The following MCTP2 variants were observed in gnomAD, a reference collection of about 807,000 sequenced individuals.
MCTP2 encodes the protein multiple C2 and transmembrane domain containing 2.
A neutral mutation model predicts 111.6 loss-of-function variants in MCTP2; 132 were observed. That is an observed-to-expected ratio of 1.18 (90% CI 1.03 to 1.37). The LOEUF is 1.37. Among genes scored for constraint, MCTP2 ranks in the 40% most tolerant of loss-of-function variants. MCTP2 has a pLI of 0.00. For synonymous variants in MCTP2, 395 were observed against 387.7 expected (o/e 1.02, Z -0.22); for missense variants, 1,183 against 1,067.9 (o/e 1.11, Z -1.50).
At chr15:94,271,936 G>T (rs2073926333) in intron 1 of MCTP2, among the ~76,000 whole-genome samples, 1 of 152,176 alleles carries the variant, frequency 6.6e-6, no homozygotes, top group Non-Finnish European at 1.5e-5. Context: ...ACAAGATTTT[G>T]TACTGGAAAT....
chr15:94,467,098 C>T (rs935001858), intron 20 of MCTP2, among the ~76,000 whole-genome samples: 2 of 152,156 alleles, frequency 1.3e-5, no homozygotes, highest in African/African-American at 4.8e-5. Flanking sequence ...ATGGAATCCC[C>T]TCACCAACTC....
At chr15:94,414,311 T>C (rs1290198744) in intron 17 of MCTP2, among the ~76,000 whole-genome samples, 1 of 152,170 alleles carries the variant, frequency 6.6e-6, no homozygotes, top group African/African-American at 2.4e-5. Context: ...AAGAAACCTC[T>C]GGCCTTCTTA....
intron 8 of MCTP2, among the ~76,000 whole-genome samples, chr15:94,348,595 C>A (rs979647870): frequency 6.7e-6 from 1 of 148,734 alleles, no homozygotes; most frequent in African/African-American, 2.5e-5. Flanking sequence ...TGAAAAGGAG[C>A]TACTCAAAGA....
intron 20 of MCTP2, among the ~76,000 whole-genome samples, chr15:94,465,914 C>T (rs781221922): frequency 1.3e-5 from 2 of 152,076 alleles, no homozygotes; most frequent in Non-Finnish European, 2.9e-5. Flanking sequence ...AGTGCAGGAA[C>T]CTTCTTAATC....
intron 1 of MCTP2, among the ~76,000 whole-genome samples, chr15:94,277,637 A>T (rs1463472056): frequency 6.6e-6 from 1 of 152,188 alleles, no homozygotes; most frequent in East Asian, 1.9e-4. Flanking sequence ...AGAGACTATA[A>T]TGCAATCACT....
intron 20 of MCTP2, among the ~76,000 whole-genome samples, chr15:94,467,478 C>A (rs1225219568): frequency 6.6e-6 from 1 of 151,872 alleles, no homozygotes; most frequent in East Asian, 1.9e-4. Context: ...ATGTACATTA[C>A]TTCTACAGTT....
At chr15:94,374,908 G>C (rs1384989565) in intron 12 of MCTP2, among the ~76,000 whole-genome samples, 1 of 152,138 alleles carries the variant, frequency 6.6e-6, no homozygotes, top group Non-Finnish European at 1.5e-5. Context: ...CAGCACAACA[G>C]AAAATGCAGT....
At chr15:94,273,478 A>G (rs1470407944) in intron 1 of MCTP2, 1 of 159,354 alleles carries the variant, frequency 6.3e-6, no homozygotes, top group Non-Finnish European at 1.4e-5. Flanking sequence ...GGAAATATAT[A>G]GGAGCCAGAG....
intron 4 of MCTP2, among the ~76,000 whole-genome samples, chr15:94,328,355 C>G (rs761157254): frequency 1.3e-5 from 2 of 152,084 alleles, no homozygotes; most frequent in Admixed American, 6.5e-5. Flanking sequence ...GTCTTGATCT[C>G]CTGACCTCGT....
intron 14 of MCTP2, among the ~76,000 whole-genome samples, chr15:94,396,057 A>C (rs1218551731): frequency 6.6e-6 from 1 of 152,170 alleles, no homozygotes; most frequent in Non-Finnish European, 1.5e-5. Context: ...ATTATGCACT[A>C]TTTGGCCATG....
intron 12 of MCTP2, among the ~76,000 whole-genome samples, chr15:94,370,771 C>T (rs2079442583): frequency 6.6e-6 from 1 of 152,172 alleles, no homozygotes; most frequent in Non-Finnish European, 1.5e-5. Context: ...TCCAGACACG[C>T]CAGTGTCTGA....
intron 10 of MCTP2, 151 bp downstream of exon 10, chr15:94,358,763 G>A: frequency 1.2e-6 from 1 of 828,514 alleles, no homozygotes; most frequent in Non-Finnish European, 1.8e-6. Context: ...TCCTAACTGG[G>A]GGAAAGTTTG....
chr15:94,479,710 C>A lies in MCTP2; in HGVS notation c.*676C>A. On this transcript the variant is annotated 3_prime_UTR_variant, in exon 23 of 23. Coordinates refer to ENST00000357742, the MANE Select transcript of MCTP2 (RefSeq NM_001385001.1). Reference sequence around the variant, plus strand: ...ATGGCCCAGGAAGGTCCCTAGAGATCACTCACTTGAAAAATGAGGGTCCCA... The same window carrying A: ...ATGGCCCAGGAAGGTCCCTAGAGATAACTCACTTGAAAAATGAGGGTCCCA... The A allele has an allele frequency of 6.6e-6, 1 of 152,064 alleles. No individual in the cohort carries two copies. Among genetic ancestry groups the A allele is most frequent in the East Asian group, 1.9e-4 (1 of 5,190 alleles). 9.4% of individuals were successfully genotyped at this position (152,064 alleles called of 1,614,324 possible).
chr15:94,425,391 C>T (rs907585282), intron 17 of MCTP2, among the ~76,000 whole-genome samples: 5 of 152,092 alleles, frequency 3.3e-5, no homozygotes, highest in Non-Finnish European at 5.9e-5. Context: ...TAAGAGAGCT[C>T]GGCTCTTTGT....
chr15:94,380,506 G>C (rs2080072617), intron 12 of MCTP2, among the ~76,000 whole-genome samples: 1 of 152,188 alleles, frequency 6.6e-6, no homozygotes, highest in South Asian at 2.1e-4. Flanking sequence ...GGTGGCTCAT[G>C]CCTGTAATCC....
Position 94,314,320 on chromosome 15 carries a change from A to G in MCTP2, c.504A>G (p.Thr168=). The change falls in exon 3 of 23, where the codon ACA becomes ACG. Residue 168 remains threonine, a synonymous_variant. Transcript: ENST00000357742. ...GCAGTGACCTGAATGCTTCTATGAC[A>G]TCTCAACATTTTGAAGAACAATCTG... is the stretch of plus-strand genomic sequence containing the variant. ...CGSSDLNASM[T]SQHFEEQSVP... The G allele has an allele frequency of 6.2e-7, 1 of 1,609,100 alleles. No homozygotes were observed. Among genetic ancestry groups the G allele is most frequent in the Non-Finnish European group, 8.5e-7 (1 of 1,177,932 alleles).
chr15:94,255,651 G>T (rs1211076824), intron 1 of MCTP2, among the ~76,000 whole-genome samples: 1 of 152,130 alleles, frequency 6.6e-6, no homozygotes, highest in African/African-American at 2.4e-5. Flanking sequence ...GTGGAGGAGG[G>T]CTTTGGGCTT....
chr15:94,304,252 G>A (rs1596311868), intron 2 of MCTP2, among the ~76,000 whole-genome samples: 1 of 152,170 alleles, frequency 6.6e-6, no homozygotes, highest in African/African-American at 2.4e-5. Context: ...GACCAGCCTT[G>A]CCAACGTGGT....
intron 17 of MCTP2, among the ~76,000 whole-genome samples, chr15:94,418,679 G>A (rs1231667698): frequency 2.0e-5 from 3 of 152,020 alleles, no homozygotes; most frequent in Non-Finnish European, 4.4e-5. Context: ...ATAGGTGATT[G>A]TTTGACTTTT....
Sources: allele counts gnomAD v4.1 joint callset (sites outside exome capture counted in the v4.1 genomes callset), GRCh38; gene constraint gnomAD v4.1.1; transcripts MANE v1.5; gene names NCBI Gene and HGNC (gene_info 2026-07-23, HGNC 2026-07-21).